SPECC1L: variants seen among roughly 807,000 people sequenced by gnomAD.
SPECC1L encodes the protein cytospin-A.
SPECC1L carries 40 observed loss-of-function variants against 116.8 expected under a neutral mutation model. The observed-to-expected ratio is 0.34, with a 90% CI of 0.27 to 0.45. SPECC1L has a LOEUF of 0.45. Among genes scored for constraint, SPECC1L ranks in the 20% least tolerant of loss-of-function variants. The pLI is 1.00. For missense variants in SPECC1L, 1,110 were observed against 1,373.6 expected, an observed-to-expected ratio of 0.81 and a Z score of 3.03; for synonymous variants, 504 against 500.6, an observed-to-expected ratio of 1.01 and a Z score of -0.09.
intron 14 of SPECC1L, 63 bp from the exon 15 acceptor site, chr22:24,411,525 C>A (rs2042698035): frequency 1.4e-6 from 2 of 1,470,082 alleles, no homozygotes; most frequent in Non-Finnish European, 1.9e-6. Flanking sequence ...CTGCGTCCTC[C>A]TTGGCATCTC....
intron 4 of SPECC1L, among the ~76,000 whole-genome samples, chr22:24,318,914 C>T (rs112305258): frequency 0.035 from 5,191 of 150,072 alleles, 152 homozygotes; most frequent in Middle Eastern, 0.065. Context: ...GGTGACAGAG[C>T]CTCAAAAAAA....
intron 4 of SPECC1L, among the ~76,000 whole-genome samples, chr22:24,315,436 G>C (rs1049102275): frequency 2.0e-5 from 3 of 152,252 alleles, no homozygotes; most frequent in Non-Finnish European, 4.4e-5. Context: ...TATTTATTGG[G>C]GATCTGTTTT....
intron 15 of SPECC1L, 127 bp from the exon 16 acceptor site, chr22:24,412,521 G>C (rs1281851196): frequency 1.9e-5 from 16 of 859,320 alleles, no homozygotes; most frequent in Non-Finnish European, 2.9e-5. Context: ...CCCAGCATAG[G>C]TTTGTTGTGG....
intron 14 of SPECC1L, among the ~76,000 whole-genome samples, chr22:24,398,086 T>C (rs2042401172): frequency 6.6e-6 from 1 of 152,222 alleles, no homozygotes; most frequent in Non-Finnish European, 1.5e-5. Context: ...TTGGGGGTAC[T>C]GGCTAGAGAA....
chr22:24,408,929 C>T (rs1189138748), intron 14 of SPECC1L, among the ~76,000 whole-genome samples: 1 of 152,260 alleles, frequency 6.6e-6, no homozygotes, highest in Non-Finnish European at 1.5e-5. Context: ...GACTGACGGT[C>T]TCCCTCGCAG....
chr22:24,325,477 T>C (rs2040800258), intron 6 of SPECC1L, among the ~76,000 whole-genome samples: 1 of 152,232 alleles, frequency 6.6e-6, no homozygotes, highest in South Asian at 2.1e-4. Flanking sequence ...CAGACACTTT[T>C]AGTGCATTTT....
chr22:24,412,730 C>T, intron 16 of SPECC1L, 23 bp downstream of exon 16: 1 of 1,612,512 alleles, frequency 6.2e-7, no homozygotes, highest in African/African-American at 1.3e-5. Flanking sequence ...CCCCCTGAGT[C>T]ACTGGCAGGG....
intron 14 of SPECC1L, among the ~76,000 whole-genome samples, chr22:24,401,036 A>G (rs1379882784): frequency 1.3e-5 from 2 of 152,210 alleles, no homozygotes; most frequent in Non-Finnish European, 1.5e-5. Flanking sequence ...AGATATCAGC[A>G]TAGGGCACTG....
Position 24,330,322 on chromosome 22 carries a change from A to G in SPECC1L, c.2287A>G (p.Ile763Val). Residue 763 changes from isoleucine to valine, a missense_variant, in exon 8 of 17, where the codon ATT becomes GTT. By Grantham distance (29) the Ile-to-Val change is conservative (BLOSUM62 3). Around this residue, in one of 4 missense-constraint regions of SPECC1L, gnomAD observed 575 missense variants for 682.4 expected, o/e 0.84. Coordinates refer to ENST00000314328, the MANE Select transcript of SPECC1L (RefSeq NM_015330.6). ...GACTGCAGTAGTCATTGCAAATGAC[A>G]TTAAATCTGAAGCCCAAGAGGAGAT... ...LQTAVVIANDIKSEAQEEIGD... is the reference protein window; with the variant it reads ...LQTAVVIANDVKSEAQEEIGD... The G allele has an allele frequency of 6.2e-7, 1 of 1,614,174 alleles. No homozygotes were observed. Among genetic ancestry groups the G allele is most frequent in the Non-Finnish European group, 8.5e-7 (1 of 1,180,008 alleles).
chr22:24,412,539 T>C (rs1388261287), intron 15 of SPECC1L, 109 bp from the exon 16 acceptor site: 34 of 972,486 alleles, frequency 3.5e-5, no homozygotes, highest in Non-Finnish European at 5.6e-5. Context: ...TGGCACCAGG[T>C]AGAGGTGAGT....
intron 14 of SPECC1L, among the ~76,000 whole-genome samples, chr22:24,410,934 A>G (rs1466505619): frequency 6.6e-6 from 1 of 152,134 alleles, no homozygotes; most frequent in African/African-American, 2.4e-5. Flanking sequence ...CACACCTATA[A>G]TCCCAGCACT....
Position 24,414,763 on chromosome 22 carries a change from G to A in SPECC1L, c.*140G>A. The A allele has an allele frequency of 1.4e-6, 1 of 725,552 alleles. No individual in the cohort carries two copies. Among genetic ancestry groups the A allele is most frequent in the Non-Finnish European group, 2.4e-6 (1 of 416,614 alleles). 44.9% of individuals were successfully genotyped at this position (725,552 alleles called of 1,614,324 possible). A position where few individuals can be genotyped will look rare whatever the true frequency, so the allele number is the denominator to read the frequency against. On this transcript the variant is annotated 3_prime_UTR_variant, in exon 17 of 17. Coordinates refer to ENST00000314328, the MANE Select transcript of SPECC1L (RefSeq NM_015330.6). ...ACAGCGTGTGAGCCTCCAGCTCGGGGCTTCCGTATTGGAAGAACTCAGCCG... is the reference window on the plus strand; with the variant it reads ...ACAGCGTGTGAGCCTCCAGCTCGGGACTTCCGTATTGGAAGAACTCAGCCG...
chr22:24,293,327 C>T (rs554727841), intron 2 of SPECC1L, among the ~76,000 whole-genome samples: 1 of 152,234 alleles, frequency 6.6e-6, no homozygotes, highest in African/African-American at 2.4e-5. Flanking sequence ...GTGGTACGCA[C>T]CTGTAGTCCC....
intron 14 of SPECC1L, among the ~76,000 whole-genome samples, chr22:24,372,516 A>G (rs546042852): frequency 6.6e-6 from 1 of 152,346 alleles, no homozygotes; most frequent in South Asian, 2.1e-4. Flanking sequence ...AGAACCAGTG[A>G]CAAAAACCAT....
chr22:24,390,872 CTTTTTTTTTT>C (rs1016008966), intron 14 of SPECC1L, among the ~76,000 whole-genome samples: 71 of 57,110 alleles, frequency 1.2e-3, no homozygotes, highest in African/African-American at 4.8e-3. Context: ...TTTTTCTTTT[CTTTTTTTTTT>C]TTTTTTTTTT....
chr22:24,292,450 CAT>C (rs4049952), intron 2 of SPECC1L, among the ~76,000 whole-genome samples: 7 of 152,074 alleles, frequency 4.6e-5, no homozygotes, highest in East Asian at 1.9e-4. Flanking sequence ...TTGGTTTACA[CAT>C]GTTATTTTTT....
intron 10 of SPECC1L, among the ~76,000 whole-genome samples, chr22:24,345,639 G>A (rs1376358407): frequency 6.6e-6 from 1 of 152,044 alleles, no homozygotes; most frequent in African/African-American, 2.4e-5. Flanking sequence ...AATACAAATG[G>A]CCAATGGCAC....
Position 24,412,808 on chromosome 22 carries a change from G to C in SPECC1L, c.3264+101G>C, listed in dbSNP as rs116886596. 161 of 1,334,052 alleles carry C rather than the reference G, an allele frequency of 1.2e-4. No individual in the cohort carries two copies. The East Asian group carries it at 3.6e-3, about 30-fold the overall frequency. The allele number at this position is 1,334,052 out of a possible 1,614,324, so 82.6% of individuals were successfully genotyped here. A position where few individuals can be genotyped will look rare whatever the true frequency, so the allele number is the denominator to read the frequency against. On this transcript the variant is annotated intron_variant, in intron 16 of 16. Transcript: ENST00000314328. ...ATCCTCGTGGGCATGGGGTAGTGTG[G>C]CTGCCTGGTAAAAGGCAGCTATGGG...
rs1264146227 is a variant in SPECC1L at position 24,415,652 on chromosome 22, TAAAG to T, written c.*1034_*1037del. 5 of 152,604 alleles carry T rather than the reference TAAAG, an allele frequency of 3.3e-5. 1 individual carries two copies. Among genetic ancestry groups the T allele is most frequent in the Non-Finnish European group, 7.4e-5 (5 of 68,022 alleles). The allele number at this position is 152,604 out of a possible 1,614,324, so 9.5% of individuals were successfully genotyped here. A position where few individuals can be genotyped will look rare whatever the true frequency, so the allele number is the denominator to read the frequency against. Reference sequence around the variant, plus strand: ...AGACATAATTCTCCTAGGCCAGAGTTAAAGAAAGTGCCTTAACTCTTCTTGTGAG... The same window carrying T: ...AGACATAATTCTCCTAGGCCAGAGTTAAAGTGCCTTAACTCTTCTTGTGAG... On this transcript the variant is annotated 3_prime_UTR_variant, in exon 17 of 17. Coordinates refer to ENST00000314328, the MANE Select transcript of SPECC1L (RefSeq NM_015330.6).
Sources: allele counts gnomAD v4.1 joint callset (sites outside exome capture counted in the v4.1 genomes callset), GRCh38; gene constraint gnomAD v4.1.1; regional missense constraint gnomAD v4.1.1; transcripts MANE v1.5; gene names NCBI Gene and HGNC (gene_info 2026-07-23, HGNC 2026-07-21).